The following ZNF446 variants were observed in gnomAD, a reference collection of about 807,000 sequenced individuals.
The protein encoded by ZNF446 is zinc finger protein 446, also known as zinc finger protein with KRAB and SCAN domains 20.
ZNF446 carries 42 observed loss-of-function variants against 34.0 expected under a neutral mutation model. The observed-to-expected ratio is 1.23, with a 90% CI of 0.96 to 1.60. The LOEUF is 1.60. Ranked by LOEUF, ZNF446 falls within the 40% of genes most tolerant of loss-of-function variation. ZNF446 has a pLI of 0.00. For synonymous variants in ZNF446, 315 were observed against 251.0 expected, an observed-to-expected ratio of 1.25 and a Z score of -2.41; for missense variants, 650 against 600.2, an observed-to-expected ratio of 1.08 and a Z score of -0.87.
downstream of ZNF446, among the ~76,000 whole-genome samples, chr19:58,484,078 G>A (rs2053156464): frequency 6.6e-6 from 1 of 151,892 alleles, no homozygotes; most frequent in South Asian, 2.1e-4. Context: ...CCTTAAAACA[G>A]CAAAAACTTA....
Position 58,479,987 on chromosome 19 carries a change from CG to C in ZNF446, c.774del (p.Thr259GlnfsTer107). 2 of 1,590,100 alleles carry C rather than the reference CG, an allele frequency of 1.3e-6. No individual in the cohort carries two copies. The highest frequency in any genetic ancestry group is 1.1e-5 in the South Asian group (1 of 87,660). On this transcript the variant is annotated frameshift_variant, in exon 6 of 7. Transcript: ENST00000594369. LOFTEE classifies it low-confidence loss of function (END_TRUNC). Reference protein sequence around the residue: ...QAQSELGMLLTGTGVCRSLRS... With the variant: ...QAQSELGMLLXGTGVCRSLRS... The stretch of plus-strand genomic sequence containing the variant: ...CAGTCAGAGCTGGGGATGCTGCTCA[CG>C]GGGACAGGCGTCTGCAGAAGCCTGC...
rs376598873 is a variant in ZNF446, at chr19:58,477,535, A to G, written c.317A>G (p.His106Arg). ...GCTGCCCTAGTCGAAGGACTGCAGC[A>G]TGACCCTGGGCAACTGTTGGGCTGG... ...EAAALVEGLQ[H>R]DPGQLLGWIT... Residue 106 changes from histidine (H) to arginine (R), a missense_variant, in exon 2 of 7, where the codon CAT becomes CGT. Transcript: ENST00000594369. The G allele has an allele frequency of 6.2e-7, 1 of 1,612,386 alleles. No homozygotes were observed. Among genetic ancestry groups the G allele is most frequent in the Non-Finnish European group, 8.5e-7 (1 of 1,179,082 alleles).
At chr19:58,486,437 C>T in the ZNF446 span, among the ~76,000 whole-genome samples, 768 of 151,696 alleles carry the variant, frequency 5.1e-3, 16 homozygotes, top group East Asian at 0.035. Flanking sequence ...GACGAAGTCT[C>T]GCTCTTATTC....
chr19:58,477,191 G>T lies in ZNF446; in HGVS notation c.-28G>T. On this transcript the variant is annotated 5_prime_UTR_variant, in exon 2 of 7. Transcript: ENST00000594369. Reference sequence around the variant, plus strand: ...TCCTTTTCTGTAGGCCCATCTTGACGATTCCAAGACCACCCCCTTGAGCAA... The same window carrying T: ...TCCTTTTCTGTAGGCCCATCTTGACTATTCCAAGACCACCCCCTTGAGCAA... 1 of 1,513,382 alleles carries T rather than the reference G, an allele frequency of 6.6e-7. No homozygotes were observed. Among genetic ancestry groups the T allele is most frequent in the Non-Finnish European group, 8.8e-7 (1 of 1,131,238 alleles). The allele number at this position is 1,513,382 out of a possible 1,614,324, so 93.7% of individuals were successfully genotyped here. A position where few individuals can be genotyped will look rare whatever the true frequency, so the allele number is the denominator to read the frequency against.
At position 58,477,401 on chromosome 19, in the gene ZNF446, C is replaced by T; in HGVS notation, c.183C>T (p.Ser61=). The change falls in exon 2 of 7, where the codon TCC becomes TCT. Residue 61 remains serine (S), a synonymous_variant. Coordinates refer to ENST00000594369, the MANE Select transcript of ZNF446 (RefSeq NM_017908.4). ...CCQWLQPEAH[S]KEQMLEMLVL... is the part of the protein sequence containing the mutation. ...AGTGGCTGCAGCCTGAGGCACACTCCAAGGAGCAGATGCTGGAGATGCTGG... is the reference window on the plus strand; with the variant it reads ...AGTGGCTGCAGCCTGAGGCACACTCTAAGGAGCAGATGCTGGAGATGCTGG... 1 of 1,613,460 alleles carries T rather than the reference C, an allele frequency of 6.2e-7. No homozygotes were observed. The highest frequency in any genetic ancestry group is 8.5e-7 in the Non-Finnish European group (1 of 1,180,024).
chr19:58,478,582 T>A (rs554381527), intron 4 of ZNF446, among the ~76,000 whole-genome samples: 1 of 151,584 alleles, frequency 6.6e-6, no homozygotes, highest in Non-Finnish European at 1.5e-5. Flanking sequence ...GACAATTGCT[T>A]GAACCCAGGA....
chr19:58,482,095 A>G (rs893929209), downstream of ZNF446, among the ~76,000 whole-genome samples: 2 of 152,156 alleles, frequency 1.3e-5, no homozygotes, highest in Admixed American at 6.5e-5. Context: ...CGCCCGGCCA[A>G]AATCAAGGTT....
the ZNF446 span, among the ~76,000 whole-genome samples, chr19:58,486,692 A>T: frequency 7.0e-6 from 1 of 143,668 alleles, no homozygotes; most frequent in Admixed American, 6.9e-5. Flanking sequence ...TACAGGCGTG[A>T]GCCACCGCAC....
chr19:58,481,161 A>G lies in ZNF446; in HGVS notation c.*435A>G, dbSNP rs2053137245. 5.7e-6 allele frequency: 1 copy of G among 174,970 alleles called. No individual in the cohort carries two copies. The highest frequency in any genetic ancestry group is 5.6e-5 in the Admixed American group (1 of 17,878). The allele number at this position is 174,970 out of a possible 1,614,324, so 10.8% of individuals were successfully genotyped here. A position where few individuals can be genotyped will look rare whatever the true frequency, so the allele number is the denominator to read the frequency against. On this transcript the variant is annotated 3_prime_UTR_variant, in exon 7 of 7. Transcript: ENST00000594369. ...AGAGCAGCAGAAGACCCAGGAAAGC[A>G]CAGTTGGCTTCCGTTTCTCCTGCTC...
intron 4 of ZNF446, among the ~76,000 whole-genome samples, chr19:58,478,455 G>GGA (rs1240284818): frequency 6.6e-6 from 1 of 152,222 alleles, no homozygotes; most frequent in East Asian, 1.9e-4. Flanking sequence ...CCTGAGGTCA[G>GGA]GAGCTCGAGA....
Position 58,477,505 on chromosome 19 carries a change from A to C in ZNF446, c.287A>C (p.Glu96Ala), listed in dbSNP as rs1441332378. Residue 96 changes from glutamate (E) to alanine (A), a missense_variant, in exon 2 of 7, where the codon GAG becomes GCG. Physicochemically the swap from Glu to Ala is moderately radical, Grantham distance 107. Coordinates refer to ENST00000594369, the MANE Select transcript of ZNF446 (RefSeq NM_017908.4). ...VRGQRPGSPE[E>A]AAALVEGLQH... is the part of the protein sequence containing the mutation. Reference sequence around the variant, plus strand: ...GGTCAGCGGCCAGGCAGTCCTGAGGAGGCCGCTGCCCTAGTCGAAGGACTG... The same window carrying C: ...GGTCAGCGGCCAGGCAGTCCTGAGGCGGCCGCTGCCCTAGTCGAAGGACTG... 12 of 1,613,166 alleles carry C rather than the reference A, an allele frequency of 7.4e-6. No individual in the cohort carries two copies. Among genetic ancestry groups the C allele is most frequent in the Non-Finnish European group, 1.0e-5 (12 of 1,179,752 alleles).
chr19:58,488,156 A>G, the ZNF446 span, among the ~76,000 whole-genome samples: 8 of 140,202 alleles, frequency 5.7e-5, no homozygotes, highest in African/African-American at 1.9e-4. Flanking sequence ...TGAGGGCAGG[A>G]CTTCACCTGC....
At chr19:58,481,529 G>A (rs11670764), downstream of ZNF446, among the ~76,000 whole-genome samples, 41,557 of 152,120 alleles carry the variant, frequency 0.27, 6,775 homozygotes, top group Middle Eastern at 0.48. Context: ...GCAAGCAGGG[G>A]TTGCGCCAAG....
At chr19:58,486,088 CTTTTTTTT>C (rs71190045), downstream of ZNF446, among the ~76,000 whole-genome samples, 8 of 83,336 alleles carry the variant, frequency 9.6e-5, no homozygotes, top group Admixed American at 1.5e-4. Context: ...AGCTAACTTT[CTTTTTTTT>C]TTTTTTTTTT....
chr19:58,478,039 C>T lies in ZNF446; in HGVS notation c.533-48C>T, dbSNP rs763096857. 9.7e-6 allele frequency: 15 copies of T among 1,549,700 alleles called. No individual in the cohort carries two copies. The Admixed American group carries it at 1.6e-4, about 17-fold the overall frequency. Reference sequence around the variant, plus strand: ...GAGGAGCTCCTCATCTGCCATGGCTCATGTGGGCAGCCCCTGACACCACCC... The same window carrying T: ...GAGGAGCTCCTCATCTGCCATGGCTTATGTGGGCAGCCCCTGACACCACCC... On this transcript the variant is annotated intron_variant, in intron 3 of 6. Coordinates refer to ENST00000594369, the MANE Select transcript of ZNF446 (RefSeq NM_017908.4).
chr19:58,486,721 G>GGA, the ZNF446 span, among the ~76,000 whole-genome samples: 533 of 150,042 alleles, frequency 3.6e-3, 3 homozygotes, highest in African/African-American at 8.7e-3. Context: ...TTTTTTTGGG[G>GGA]GGGGGCGGGG....
chr19:58,485,426 C>G (rs937881411), downstream of ZNF446, among the ~76,000 whole-genome samples: 2 of 152,056 alleles, frequency 1.3e-5, no homozygotes, highest in Non-Finnish European at 2.9e-5. Context: ...AAGAGAATCA[C>G]TTGAACCCAG....
chr19:58,480,382 T>G lies in ZNF446; in HGVS notation c.1009T>G (p.Cys337Gly). Residue 337 changes from cysteine (C) to glycine (G), a missense_variant, in exon 7 of 7, where the codon TGT becomes GGT. Cys to Gly is a radical substitution (Grantham distance 159). Coordinates refer to ENST00000594369, the MANE Select transcript of ZNF446 (RefSeq NM_017908.4). This position sits in a 1 kb window ranked among gnomAD's most constrained non-coding sequence, Gnocchi z 7.2. ...CAGGAAGCCCTACACGTGCGAGCAG[T>G]GTGGCCGCGGCTTCGACTGGAAGTC... is the stretch of plus-strand genomic sequence containing the variant. ...TPRKPYTCEQCGRGFDWKSVF... is the reference protein window; with the variant it reads ...TPRKPYTCEQGGRGFDWKSVF... 6.2e-7 allele frequency: 1 copy of G among 1,611,002 alleles called. No individual in the cohort carries two copies. The highest frequency in any genetic ancestry group is 8.5e-7 in the Non-Finnish European group (1 of 1,179,274).
chr19:58,476,761 C>G (rs936173438), intron 1 of ZNF446, among the ~76,000 whole-genome samples: 6 of 152,078 alleles, frequency 3.9e-5, no homozygotes, highest in Non-Finnish European at 8.8e-5. Flanking sequence ...GACTCGTCCC[C>G]GTACATTACA....
Sources: gnomAD v4.1 joint callset for allele counts (sites outside exome capture counted in the v4.1 genomes callset) on GRCh38, gnomAD v4.1.1 for gene constraint, Gnocchi (gnomAD v3.1) non-coding constraint, MANE v1.5 for transcripts, NCBI Gene and HGNC (gene_info 2026-07-23, HGNC 2026-07-21) for gene names.